The following GAK variants were observed in gnomAD, a reference collection of about 807,000 sequenced individuals.
GAK encodes cyclin-G-associated kinase.
Under a neutral mutation model 143.9 loss-of-function variants are expected in GAK, and 79 were observed. That is an observed-to-expected ratio of 0.55 (90% CI 0.46 to 0.66). GAK has a LOEUF of 0.66. Ranked by LOEUF, GAK falls within the 30% of genes least tolerant of loss-of-function variation. The pLI, the probability that GAK is intolerant of heterozygous loss-of-function variation, is 0.00. For synonymous variants in GAK, 881 were observed against 765.5 expected, an observed-to-expected ratio of 1.15 and a Z score of -2.49; for missense variants, 1,693 against 1,779.7, an observed-to-expected ratio of 0.95 and a Z score of 0.88.
At chr4:931,751 C>A (rs1560460351) in intron 1 of GAK, among the ~76,000 whole-genome samples, 3 of 152,164 alleles carry the variant, frequency 2.0e-5, no homozygotes, top group Non-Finnish European at 4.4e-5. Flanking sequence ...AGCCCCAGGC[C>A]TTGCTCCGAC....
rs372426650 is a variant in GAK, at chr4:913,911, CCACA to C, written c.146-247_146-244del. ...ACACACAGCCCCAGCGTGCACGGCC[CCACA>C]CACACACACAGCCCCAGCGTGCACG... is the stretch of plus-strand genomic sequence containing the variant. On this transcript the variant is annotated intron_variant, in intron 1 of 27. Transcript: ENST00000314167. The C allele has an allele frequency of 6.5e-4, 172 of 265,194 alleles. 4 individuals are homozygous for C. Among genetic ancestry groups the C allele is most frequent in the African/African-American group, 5.1e-3 (97 of 19,122 alleles). 16.4% of individuals were successfully genotyped at this position (265,194 alleles called of 1,614,324 possible). A position where few individuals can be genotyped will look rare whatever the true frequency, so the allele number is the denominator to read the frequency against.
At chr4:889,013 C>G (rs1717119496) in intron 10 of GAK, 43 bp from the exon 11 acceptor site, 1 of 1,584,382 alleles carries the variant, frequency 6.3e-7, no homozygotes, top group African/African-American at 1.4e-5. Flanking sequence ...GTGCTCGGTC[C>G]CACCTCCCCA....
intron 19 of GAK, 67 bp from the exon 20 acceptor site, chr4:868,752 G>C: frequency 1.3e-6 from 2 of 1,487,202 alleles, no homozygotes; most frequent in South Asian, 2.5e-5. Context: ...ACTGACCCCA[G>C]AGCTGGGAAG....
chr4:910,364 C>T (rs1411498638), intron 4 of GAK, among the ~76,000 whole-genome samples: 3 of 127,342 alleles, frequency 2.4e-5, no homozygotes, highest in Admixed American at 8.2e-5. Context: ...TAAATGCAGG[C>T]CCCCCACAAA....
At chr4:903,325 A>G (rs1290806044) in intron 5 of GAK, among the ~76,000 whole-genome samples, 1 of 152,230 alleles carries the variant, frequency 6.6e-6, no homozygotes, top group Non-Finnish European at 1.5e-5. Context: ...GATGGGCAGG[A>G]GAGTCTGCCG....
At chr4:911,648 C>G (rs767812181) in intron 4 of GAK, 25 bp downstream of exon 4, 2 of 1,564,232 alleles carry the variant, frequency 1.3e-6, no homozygotes, top group Admixed American at 3.3e-5. Context: ...TAGATGGCAC[C>G]AAGCCGGCCT....
chr4:859,866 C>A (rs867803180), intron 23 of GAK, 144 bp from the exon 24 acceptor site: 32 of 633,694 alleles, frequency 5.0e-5, no homozygotes, highest in African/African-American at 4.7e-4. Context: ...GTGCACGAGA[C>A]CAGCCAGGAC....
At chr4:918,894 C>G (rs369842363) in intron 1 of GAK, among the ~76,000 whole-genome samples, 12 of 125,346 alleles carry the variant, frequency 9.6e-5, no homozygotes, top group African/African-American at 2.3e-4. Flanking sequence ...CCTCAGCGCC[C>G]CATGACCTTA....
At chr4:864,938 G>A (rs966989256) in intron 23 of GAK, among the ~76,000 whole-genome samples, 184 bp downstream of exon 23, 2 of 152,230 alleles carry the variant, frequency 1.3e-5, no homozygotes, top group Non-Finnish European at 2.9e-5. Context: ...CAGGCACACC[G>A]GGTGAGTGAG....
Position 923,881 on chromosome 4 carries a change from C to T in GAK, c.145+8162G>A, listed in dbSNP as rs76891794. Among the ~76,000 whole-genome samples the T allele has an allele frequency of 8.7e-3, 1,321 of 151,742 alleles. 24 individuals are homozygous for T. The highest frequency in any genetic ancestry group is 0.03 in the African/African-American group (1,245 of 41,374). On this transcript the variant is annotated intron_variant, in intron 1 of 27. Transcript: ENST00000314167. Reference sequence around the variant, plus strand: ...ATCCAGAGTAAGCAGAAACTCCCTGCCCAATAAAAAATGGACAAAAAGGCC... The same window carrying T: ...ATCCAGAGTAAGCAGAAACTCCCTGTCCAATAAAAAATGGACAAAAAGGCC...
rs1319615490 is a variant in GAK at position 883,380 on chromosome 4, G to A, written c.1339C>T (p.Pro447Ser). The A allele has an allele frequency of 6.2e-7, 1 of 1,613,768 alleles. No homozygotes were observed. ...DVRLFLDSKH[P>S]GHYAVYNLSP... The stretch of plus-strand genomic sequence containing the variant: ...AGGTTGTAGACGGCATAGTGCCCTG[G>A]GTGCTTGGAGTCCAGGAACAACCGC... The change falls in exon 13 of 28, where the codon CCA (proline) becomes TCA (serine). Residue 447 changes from proline (P) to serine (S), a missense_variant. By Grantham distance (74) the Pro-to-Ser change is moderately conservative. Coordinates refer to ENST00000314167, the MANE Select transcript of GAK (RefSeq NM_005255.4).
At chr4:868,165 CAA>C (rs1416142316) in intron 20 of GAK, among the ~76,000 whole-genome samples, 1 of 152,040 alleles carries the variant, frequency 6.6e-6, no homozygotes, top group African/African-American at 2.4e-5. Context: ...GGGGTGTGGG[CAA>C]AGAGAGGTGT....
At chr4:876,199 GC>G (rs1021851479) in intron 18 of GAK, among the ~76,000 whole-genome samples, 5 of 152,062 alleles carry the variant, frequency 3.3e-5, no homozygotes, top group African/African-American at 1.2e-4. Flanking sequence ...TCCAGCCTCC[GC>G]CTGGCAGGGC....
At chr4:893,730 C>G (rs1009184385) in intron 8 of GAK, 144 bp downstream of exon 8, 10 of 1,049,024 alleles carry the variant, frequency 9.5e-6, no homozygotes, top group South Asian at 7.2e-5. Context: ...TGGAAACCCC[C>G]CCCCCAGGGA....
intron 20 of GAK, among the ~76,000 whole-genome samples, chr4:867,649 C>T (rs1430664150): frequency 6.7e-6 from 1 of 149,920 alleles, no homozygotes; most frequent in Non-Finnish European, 1.5e-5. Flanking sequence ...CATGGCCCCT[C>T]GGCACCTCCT....
At chr4:920,726 T>C (rs971292337) in intron 1 of GAK, among the ~76,000 whole-genome samples, 3 of 151,766 alleles carry the variant, frequency 2.0e-5, no homozygotes, top group Admixed American at 6.6e-5. Context: ...GTATTTTTAG[T>C]AGAGACGGGG....
chr4:870,681 G>C (rs1392917397), intron 19 of GAK, 30 bp downstream of exon 19: 5 of 1,607,746 alleles, frequency 3.1e-6, no homozygotes, highest in East Asian at 2.2e-5. Context: ...ACCAGAACAG[G>C]GTTCACCTAA....
At position 877,617 on chromosome 4, in the gene GAK, C is replaced by T; in HGVS notation, c.1854G>A (p.Met618Ile). 3 of 1,580,316 alleles carry T rather than the reference C, an allele frequency of 1.9e-6. No homozygotes were observed. Among genetic ancestry groups the T allele is most frequent in the Non-Finnish European group, 2.6e-6 (3 of 1,159,984 alleles). Residue 618 changes from methionine to isoleucine, a missense_variant and splice_region_variant, in exon 16 of 28, where the codon ATG becomes ATA. Met to Ile is a conservative substitution (Grantham distance 10). Around this residue, in one of 2 missense-constraint regions of GAK, gnomAD observed 871 missense variants for 991.0 expected, o/e 0.88. Transcript: ENST00000314167. ...CGTGGGGCTGCAGCTGCACTCACCGCATCTTGTCGTACTCCTGGGAGGTGC... is the reference window on the plus strand; with the variant it reads ...CGTGGGGCTGCAGCTGCACTCACCGTATCTTGTCGTACTCCTGGGAGGTGC... ...VASTSQEYDK[M>I]RDFKIEDGKA...
At chr4:907,982 C>A (rs1462905928) in intron 4 of GAK, among the ~76,000 whole-genome samples, 4 of 152,316 alleles carry the variant, frequency 2.6e-5, no homozygotes, top group Admixed American at 2.0e-4. Context: ...CCGCTGGCCC[C>A]GGCCCTGTCC....
Sources: gnomAD v4.1 joint callset for allele counts (sites outside exome capture counted in the v4.1 genomes callset) on GRCh38, gnomAD v4.1.1 for gene constraint, gnomAD v4.1.1 regional missense constraint, MANE v1.5 for transcripts, NCBI Gene and HGNC (gene_info 2026-07-23, HGNC 2026-07-21) for gene names.